The following PTPRT variants were observed in gnomAD, a reference collection of about 807,000 sequenced individuals.
PTPRT encodes protein tyrosine phosphatase receptor type T, also known as receptor-type tyrosine-protein phosphatase T.
Under a neutral mutation model 176.8 loss-of-function variants are expected in PTPRT, and 56 were observed. The ratio of observed to expected loss-of-function variants is 0.32; its 90% CI spans 0.26 to 0.40. The LOEUF (loss-of-function observed/expected upper bound fraction) is 0.40. Ranked by LOEUF, PTPRT falls within the 10% of genes least tolerant of loss-of-function variation. The pLI is 1.00. For missense variants in PTPRT, 1,540 were observed against 1,908.2 expected, an observed-to-expected ratio of 0.81 and a Z score of 3.60; for synonymous variants, 783 against 739.0, an observed-to-expected ratio of 1.06 and a Z score of -0.96.
At chr20:42,560,541 C>T (rs1415881091) in intron 7 of PTPRT, among the ~76,000 whole-genome samples, 1 of 152,106 alleles carries the variant, frequency 6.6e-6, no homozygotes, top group Non-Finnish European at 1.5e-5. Context: ...GGGAATATTG[C>T]CAATTTCTCA....
At chr20:42,787,685 T>TA (rs1220812092) in intron 3 of PTPRT, among the ~76,000 whole-genome samples, 1 of 152,244 alleles carries the variant, frequency 6.6e-6, no homozygotes, top group Non-Finnish European at 1.5e-5. Context: ...AATATAAGGC[T>TA]ATATGCTTAA....
intron 2 of PTPRT, among the ~76,000 whole-genome samples, chr20:42,884,010 G>T (rs2079065610): frequency 7.2e-6 from 1 of 139,536 alleles, no homozygotes; most frequent in East Asian, 2.2e-4. Flanking sequence ...ATAAGATCCA[G>T]ATTTATTGGG....
At chr20:42,574,431 G>T (rs2073220674) in intron 7 of PTPRT, among the ~76,000 whole-genome samples, 1 of 152,148 alleles carries the variant, frequency 6.6e-6, no homozygotes, top group Non-Finnish European at 1.5e-5. Context: ...TGTCACTTTG[G>T]CAAGCAGAAA....
chr20:42,665,247 T>G (rs1000204943), intron 7 of PTPRT, among the ~76,000 whole-genome samples: 1 of 151,690 alleles, frequency 6.6e-6, no homozygotes, highest in Non-Finnish European at 1.5e-5. Context: ...TCAAACAAAT[T>G]TACAAGAAAA....
At chr20:42,907,550 C>T (rs1355461948) in intron 1 of PTPRT, among the ~76,000 whole-genome samples, 1 of 152,096 alleles carries the variant, frequency 6.6e-6, no homozygotes, top group Non-Finnish European at 1.5e-5. Flanking sequence ...ATACACTACA[C>T]AACTCGTTCT....
chr20:43,086,619 A>G (rs1318950735), intron 1 of PTPRT, among the ~76,000 whole-genome samples: 1 of 152,246 alleles, frequency 6.6e-6, no homozygotes, highest in African/African-American at 2.4e-5. Context: ...AAAAACTAAC[A>G]AAGTACATTC....
chr20:43,097,603 T>C (rs139020835), intron 1 of PTPRT, among the ~76,000 whole-genome samples: 96 of 152,324 alleles, frequency 6.3e-4, no homozygotes, highest in African/African-American at 2.2e-3. Flanking sequence ...TAAGGTCACA[T>C]AGCTGGTTAT....
At chr20:42,771,633 G>A (rs939121378) in intron 4 of PTPRT, 83 bp from the exon 5 acceptor site, 24 of 1,094,958 alleles carry the variant, frequency 2.2e-5, no homozygotes, top group Non-Finnish European at 3.1e-5. Flanking sequence ...AGCTCAGGAT[G>A]GGCACTGGGC....
At chr20:42,412,413 A>G (rs954961887) in intron 9 of PTPRT, among the ~76,000 whole-genome samples, 23 of 152,208 alleles carry the variant, frequency 1.5e-4, no homozygotes, top group African/African-American at 5.3e-4. Context: ...AAAGGGAGAC[A>G]ATGAGAAGTC....
At chr20:43,181,844 G>A (rs979652983) in intron 1 of PTPRT, among the ~76,000 whole-genome samples, 6 of 152,116 alleles carry the variant, frequency 3.9e-5, no homozygotes, top group African/African-American at 1.4e-4. Flanking sequence ...ACGTGGGCCT[G>A]AAAATCCTTG....
At chr20:42,780,600 C>T (rs1038485326) in intron 3 of PTPRT, among the ~76,000 whole-genome samples, 1 of 152,192 alleles carries the variant, frequency 6.6e-6, no homozygotes, top group African/African-American at 2.4e-5. Flanking sequence ...GCATCTTTCT[C>T]ATTGCAGCTT....
intron 9 of PTPRT, 88 bp from the exon 10 acceptor site, chr20:42,352,373 CG>C: frequency 1.5e-6 from 2 of 1,335,630 alleles, no homozygotes; most frequent in Admixed American, 1.8e-5. Flanking sequence ...CTTAGGGAGG[CG>C]GGGGAAGGGG....
At chr20:42,456,345 T>G (rs141179939) in intron 8 of PTPRT, among the ~76,000 whole-genome samples, 1 of 152,020 alleles carries the variant, frequency 6.6e-6, no homozygotes, top group Non-Finnish European at 1.5e-5. Flanking sequence ...TAGTTAATAA[T>G]AGTTTTGCTC....
the PTPRT span, among the ~76,000 whole-genome samples, chr20:42,034,244 T>C: frequency 3.3e-5 from 5 of 152,140 alleles, no homozygotes; most frequent in Admixed American, 3.3e-4. Context: ...GCTGGCAGCA[T>C]TCATTTCTTT....
At chr20:42,918,883 A>C (rs60890139) in intron 1 of PTPRT, among the ~76,000 whole-genome samples, 3,953 of 152,246 alleles carry the variant, frequency 0.026, 167 homozygotes, top group African/African-American at 0.09. Flanking sequence ...TGCCCTAAAC[A>C]CAGCCTGTCT....
At chr20:42,107,778 T>C (rs906341266) in intron 23 of PTPRT, among the ~76,000 whole-genome samples, 4 of 152,204 alleles carry the variant, frequency 2.6e-5, no homozygotes, top group African/African-American at 7.2e-5. Flanking sequence ...ACAATGTAGA[T>C]GTCAAAAGAC....
At chr20:42,263,104 A>AT (rs1281914453) in intron 13 of PTPRT, among the ~76,000 whole-genome samples, 1 of 152,298 alleles carries the variant, frequency 6.6e-6, no homozygotes, top group East Asian at 1.9e-4. Flanking sequence ...AATTGGAGAG[A>AT]TAAAAAAGGG....
intron 11 of PTPRT, among the ~76,000 whole-genome samples, chr20:42,317,544 T>C (rs1228903429): frequency 6.6e-6 from 1 of 152,166 alleles, no homozygotes; most frequent in Middle Eastern, 3.2e-3. Flanking sequence ...ACCAATCATT[T>C]AAACAGGGCA....
intron 13 of PTPRT, among the ~76,000 whole-genome samples, chr20:42,279,338 A>G (rs1484887844): frequency 1.3e-5 from 2 of 152,050 alleles, no homozygotes; most frequent in Non-Finnish European, 2.9e-5. Flanking sequence ...GACAAGGAGA[A>G]TGTCATGTGA....
Sources: allele counts gnomAD v4.1 joint callset (sites outside exome capture counted in the v4.1 genomes callset), GRCh38; gene constraint gnomAD v4.1.1; transcripts MANE v1.5; gene names NCBI Gene and HGNC (gene_info 2026-07-23, HGNC 2026-07-21).